The following PRMT8 variants were observed in gnomAD, a reference collection of about 807,000 sequenced individuals.
PRMT8 encodes the protein protein arginine methyltransferase 8, also known as protein arginine N-methyltransferase 8.
In PRMT8, 7 loss-of-function variants were observed where a neutral mutation model predicts 47.1. That is an observed-to-expected ratio of 0.15 (90% confidence interval 0.08 to 0.28). PRMT8 has a LOEUF of 0.28. Among genes scored for constraint, PRMT8 ranks in the 10% least tolerant of loss-of-function variants. The probability of loss-of-function intolerance (pLI) is 1.00; values close to 1 mark genes in which losing one functional copy is unlikely to be tolerated. For missense variants in PRMT8, 237 were observed against 505.4 expected, an observed-to-expected ratio of 0.47 and a Z score of 5.09; for synonymous variants, 188 against 186.5, an observed-to-expected ratio of 1.01 and a Z score of -0.07.
upstream of PRMT8, among the ~76,000 whole-genome samples, chr12:3,490,647 G>T (rs1237641748): frequency 6.8e-6 from 1 of 146,300 alleles, no homozygotes; most frequent in East Asian, 2.0e-4. Context: ...CCTGAAAGGG[G>T]CTTGGAGTCC....
In PRMT8 at chr12:3,552,659, C is replaced by G. The variant is rs369632136; in HGVS notation, c.418-992C>G. 5 of 449,996 alleles carry G rather than the reference C, an allele frequency of 1.1e-5. No homozygotes were observed. The highest frequency in any genetic ancestry group is 1.4e-4 in the East Asian group (2 of 14,288). 27.9% of individuals were successfully genotyped at this position (449,996 alleles called of 1,614,324 possible). A position where few individuals can be genotyped will look rare whatever the true frequency, so the allele number is the denominator to read the frequency against. On this transcript the variant is annotated intron_variant, in intron 3 of 9. Coordinates refer to ENST00000382622, the MANE Select transcript of PRMT8 (RefSeq NM_019854.5). The surrounding 1 kb of genome is among the most constrained non-coding windows in gnomAD (Gnocchi z 4.5). ...CCTGCACCCTGGCTGGAGTCGGCCT[C>G]CTTGGATGCAGCTCTAACCAAGTGA...
intron 1 of PRMT8, among the ~76,000 whole-genome samples, chr12:3,524,914 A>G (rs777473284): frequency 1.9e-4 from 29 of 152,298 alleles, no homozygotes; most frequent in Non-Finnish European, 3.4e-4. Flanking sequence ...GTTTCTCAGA[A>G]GGTGAAAGAG....
At chr12:3,429,088 C>G (rs1864643443) in intron 1 of PRMT8, among the ~76,000 whole-genome samples, 1 of 152,138 alleles carries the variant, frequency 6.6e-6, no homozygotes. Flanking sequence ...CTCTGCTGGT[C>G]TTTCCTTGCC....
At chr12:3,536,133 G>A (rs1469524155) in intron 1 of PRMT8, among the ~76,000 whole-genome samples, 1 of 152,168 alleles carries the variant, frequency 6.6e-6, no homozygotes, top group Non-Finnish European at 1.5e-5. Context: ...CACAGGGCTG[G>A]CACAGTGCCT....
At chr12:3,571,563 G>C (rs184112574) in intron 6 of PRMT8, among the ~76,000 whole-genome samples, 1 of 152,162 alleles carries the variant, frequency 6.6e-6, no homozygotes, top group Non-Finnish European at 1.5e-5. Flanking sequence ...ACTGGCCCCA[G>C]ACTGGAGATC....
At chr12:3,555,223 A>G (rs1181729179) in intron 4 of PRMT8, among the ~76,000 whole-genome samples, 2 of 152,218 alleles carry the variant, frequency 1.3e-5, no homozygotes, top group Admixed American at 6.5e-5. Context: ...AAAGAAAAAT[A>G]TCAGGTGGTG....
In PRMT8 at chr12:3,395,080, C is replaced by T. The variant is rs1033151947; in HGVS notation, c.48+13638C>T. 1.0e-3 allele frequency among the ~76,000 whole-genome samples: 156 copies of T among 150,232 alleles called. 2 individuals are homozygous for T. Among genetic ancestry groups the T allele is most frequent in the South Asian group, 3.8e-3 (18 of 4,714 alleles). On this transcript the variant is annotated intron_variant, in intron 1 of 9. Transcript: ENST00000452611. ...ATATCCCCTTTATCATTTTTTATTG[C>T]GTCTATTTGATTCTTCTCGCTTTTT...
intron 4 of PRMT8, among the ~76,000 whole-genome samples, chr12:3,560,395 A>G (rs1866614685): frequency 6.6e-6 from 1 of 152,220 alleles, no homozygotes; most frequent in African/African-American, 2.4e-5. Flanking sequence ...ACACACCCAC[A>G]GGAAGCCACC....
intron 3 of PRMT8, chr12:3,551,587 G>A (rs1213033138): frequency 1.3e-5 from 2 of 152,328 alleles, no homozygotes; most frequent in African/African-American, 2.4e-5. Flanking sequence ...GGAGCTGTCA[G>A]GAGGAGGCTC....
At chr12:3,397,830 T>G (rs11838068) in intron 1 of PRMT8, among the ~76,000 whole-genome samples, 2,200 of 152,254 alleles carry the variant, frequency 0.014, 58 homozygotes, top group African/African-American at 0.048. Flanking sequence ...CCTTGCAGTT[T>G]GATCTCAGAC....
chr12:3,465,138 A>G (rs1865081228), intron 1 of PRMT8, among the ~76,000 whole-genome samples: 2 of 123,844 alleles, frequency 1.6e-5, no homozygotes, highest in South Asian at 2.9e-4. Flanking sequence ...AAATATATAT[A>G]TATATATATA....
intron 1 of PRMT8, among the ~76,000 whole-genome samples, chr12:3,471,564 C>G (rs11615106): frequency 4.6e-5 from 7 of 151,620 alleles, no homozygotes; most frequent in South Asian, 2.1e-4. Flanking sequence ...CAGTCACCCC[C>G]CCTTGGCCCT....
intron 4 of PRMT8, among the ~76,000 whole-genome samples, chr12:3,559,546 A>G (rs1866594414): frequency 6.6e-6 from 1 of 152,170 alleles, no homozygotes; most frequent in Admixed American, 6.5e-5. Flanking sequence ...GTGTTAACCA[A>G]TACCATGGAG....
In PRMT8 at chr12:3,569,095, A is replaced by G. The variant is rs1367273858; in HGVS notation, c.624+247A>G. On this transcript the variant is annotated intron_variant, in intron 5 of 9. Coordinates refer to ENST00000382622, the MANE Select transcript of PRMT8 (RefSeq NM_019854.5). This position sits in a 1 kb window ranked among gnomAD's most constrained non-coding sequence, Gnocchi z 8.2. ...CGCAGCCTCTTTTGCAATAACAGACATCCGTTCTCTCTTGTCGAGTTAAAG... is the reference window on the plus strand; with the variant it reads ...CGCAGCCTCTTTTGCAATAACAGACGTCCGTTCTCTCTTGTCGAGTTAAAG... Among the ~76,000 whole-genome samples, 1 of 152,100 alleles carries G rather than the reference A, an allele frequency of 6.6e-6. No homozygotes were observed. Among genetic ancestry groups the G allele is most frequent in the Non-Finnish European group, 1.5e-5 (1 of 68,010 alleles).
chr12:3,586,878 A>G (rs1015463103), intron 8 of PRMT8, among the ~76,000 whole-genome samples: 1 of 152,194 alleles, frequency 6.6e-6, no homozygotes, highest in Non-Finnish European at 1.5e-5. Flanking sequence ...TCTTCTTGGC[A>G]CATGCCTATA....
chr12:3,532,019 C>T (rs1165320308), intron 1 of PRMT8, among the ~76,000 whole-genome samples: 1 of 152,094 alleles, frequency 6.6e-6, no homozygotes, highest in African/African-American at 2.4e-5. Flanking sequence ...TTAACATGCC[C>T]AGTGTTGGGT....
At chr12:3,528,770 T>C (rs759410961) in intron 1 of PRMT8, among the ~76,000 whole-genome samples, 3 of 152,224 alleles carry the variant, frequency 2.0e-5, no homozygotes, top group Non-Finnish European at 4.4e-5. Flanking sequence ...TTTTAGATAT[T>C]TTATGCTTCT....
chr12:3,466,698 G>A (rs1865099926), intron 1 of PRMT8, among the ~76,000 whole-genome samples: 1 of 152,060 alleles, frequency 6.6e-6, no homozygotes, highest in African/African-American at 2.4e-5. Context: ...CAATAGCTTG[G>A]GCCTTTGACA....
rs569164516 is a variant in PRMT8 at position 3,476,017 on chromosome 12, C to T, written c.49-64589C>T. 5.9e-5 allele frequency among the ~76,000 whole-genome samples: 9 copies of T among 152,290 alleles called. No homozygotes were observed. In the South Asian group the frequency reaches 1.9e-3, roughly 32 times the overall value. On this transcript the variant is annotated intron_variant, in intron 1 of 9. Transcript: ENST00000452611. ...CATTGGGCTGGAAACTCAGCAGAGC[C>T]TTTAGGATCTGGACACCTTTATAGA... is the stretch of plus-strand genomic sequence containing the variant.
Sources: gnomAD v4.1 joint callset for allele counts (sites outside exome capture counted in the v4.1 genomes callset) on GRCh38, gnomAD v4.1.1 for gene constraint, Gnocchi (gnomAD v3.1) non-coding constraint, MANE v1.5 for transcripts, NCBI Gene and HGNC (gene_info 2026-07-23, HGNC 2026-07-21) for gene names.